TMEM254: variants seen among roughly 807,000 people sequenced by gnomAD.
TMEM254 encodes transmembrane protein C10orf57.
TMEM254 carries 16 observed loss-of-function variants against 13.9 expected under a neutral mutation model. That is an observed-to-expected ratio of 1.15 (90% CI 0.78 to 1.75). The LOEUF is 1.75. TMEM254 is among the 40% of genes most tolerant of loss of function. TMEM254 has a pLI of 0.00. For synonymous variants in TMEM254, 61 were observed against 56.4 expected (o/e 1.08, Z -0.36); for missense variants, 155 against 149.0 (o/e 1.04, Z -0.21).
chr10:80,087,460 T>C (rs1223862187), intron 3 of TMEM254, among the ~76,000 whole-genome samples: 10 of 147,698 alleles, frequency 6.8e-5, no homozygotes, highest in Non-Finnish European at 1.5e-5. Flanking sequence ...CTGGCCAACA[T>C]GGTGAAACCC....
intron 1 of TMEM254, chr10:80,081,627 C>G (rs749589163): frequency 1.0e-4 from 149 of 1,475,086 alleles, no homozygotes; most frequent in Non-Finnish European, 1.0e-4. Flanking sequence ...ATGATCATGC[C>G]ACTGCACTCC....
Position 80,090,809 on chromosome 10 carries a change from C to T in TMEM254, c.264C>T (p.Ile88=). 1 of 1,613,490 alleles carries T rather than the reference C, an allele frequency of 6.2e-7. No individual in the cohort carries two copies. The highest frequency in any genetic ancestry group is 8.5e-7 in the Non-Finnish European group (1 of 1,179,884). ...TTTTCTGTTTTAGGCATAAAGGCAT[C>T]ACAAGTGGTCGGGCTCAGCTACTCT... is the stretch of plus-strand genomic sequence containing the variant. ...YAIVLCKHKG[I]TSGRAQLLWF... Residue 88 remains isoleucine, a synonymous_variant, in exon 4 of 4, where the codon ATC becomes ATT. Transcript: ENST00000372281.
Position 80,090,972 on chromosome 10 carries a change from T to C in TMEM254, c.*55T>C. The C allele has an allele frequency of 1.9e-6, 3 of 1,600,148 alleles. No individual in the cohort carries two copies. Among genetic ancestry groups the C allele is most frequent in the Non-Finnish European group, 2.6e-6 (3 of 1,174,292 alleles). On this transcript the variant is annotated 3_prime_UTR_variant, in exon 4 of 4. Coordinates refer to ENST00000372281, the MANE Select transcript of TMEM254 (RefSeq NM_025125.4). ...ACATTCATCCTCACCCTTTTTTTTG[T>C]GGGGTAGAGGAGGTGCAGTAATTTA...
At chr10:80,080,156 A>G (rs886681218) in intron 1 of TMEM254, among the ~76,000 whole-genome samples, 1 of 152,220 alleles carries the variant, frequency 6.6e-6, no homozygotes, top group African/African-American at 2.4e-5. Context: ...GTTGGAGGAA[A>G]GCTTTGGGGA....
At chr10:80,085,413 A>C (rs1844264813) in intron 3 of TMEM254, among the ~76,000 whole-genome samples, 1 of 151,934 alleles carries the variant, frequency 6.6e-6, no homozygotes, top group South Asian at 2.1e-4. Flanking sequence ...ATATGAAAAA[A>C]AAAATTAGCT....
At chr10:80,084,238 C>T (rs1844200464) in intron 3 of TMEM254, among the ~76,000 whole-genome samples, 1 of 152,222 alleles carries the variant, frequency 6.6e-6, no homozygotes, top group Non-Finnish European at 1.5e-5. Context: ...AGGGATCTCC[C>T]TTCTGCAGTT....
At chr10:80,079,683 G>A in intron 1 of TMEM254, 1 of 985,680 alleles carries the variant, frequency 1.0e-6, no homozygotes, top group Non-Finnish European at 1.2e-6. Flanking sequence ...CGAGAAAGAT[G>A]CGTGGAAAAG....
At chr10:80,083,323 C>T (rs1452583749) in intron 3 of TMEM254, among the ~76,000 whole-genome samples, 2 of 152,062 alleles carry the variant, frequency 1.3e-5, no homozygotes. Context: ...ATGCTAGTCC[C>T]GAACTCCTGA....
rs116162868 is a variant in TMEM254, at chr10:80,086,866, G to T, written c.252-3931G>T. On this transcript the variant is annotated intron_variant, in intron 3 of 3. Transcript: ENST00000372281. The stretch of plus-strand genomic sequence containing the variant: ...AAAAAAAAAAAAAAAATTGAAAGTT[G>T]CTGGGCATGGTGGCTGATGCCTATA... Among the ~76,000 whole-genome samples, 257 of 151,854 alleles carry T rather than the reference G, an allele frequency of 1.7e-3. 4 individuals carry two copies. Among genetic ancestry groups the T allele is most frequent in the African/African-American group, 6.0e-3 (248 of 41,430 alleles).
At chr10:80,086,531 C>A in intron 3 of TMEM254, 1 of 221,924 alleles carries the variant, frequency 4.5e-6, no homozygotes, top group Non-Finnish European at 9.1e-6. Flanking sequence ...TAATGTTGTG[C>A]TAAAAACTCA....
At chr10:80,088,197 C>T (rs1374533563) in intron 3 of TMEM254, among the ~76,000 whole-genome samples, 1 of 151,756 alleles carries the variant, frequency 6.6e-6, no homozygotes, top group Non-Finnish European at 1.5e-5. Flanking sequence ...TATTCTGTTC[C>T]ATTGGCCTGT....
chr10:80,081,817 T>C (rs747577913), intron 1 of TMEM254, 24 bp from the exon 2 acceptor site: 3 of 1,613,972 alleles, frequency 1.9e-6, no homozygotes, highest in South Asian at 2.2e-5. Flanking sequence ...TAATAGGTAT[T>C]CTGTGTCTCT....
intron 3 of TMEM254, among the ~76,000 whole-genome samples, chr10:80,086,978 G>A (rs7917608): frequency 0.55 from 83,014 of 151,368 alleles, 22,916 homozygotes; most frequent in East Asian, 0.73. Flanking sequence ...ATTTTATTTT[G>A]TTTTTTAAGA....
chr10:80,086,457 C>A, intron 3 of TMEM254: 2 of 335,378 alleles, frequency 6.0e-6, no homozygotes, highest in South Asian at 1.7e-4. Flanking sequence ...ATTTACTTTC[C>A]AAAACAAAAT....
rs1441281475 is a variant in TMEM254, at chr10:80,092,219, AT to A, written c.*1305del. 8 of 152,192 alleles carry A rather than the reference AT, an allele frequency of 5.3e-5. No individual in the cohort carries two copies. Among genetic ancestry groups the A allele is most frequent in the Non-Finnish European group, 1.2e-4 (8 of 68,036 alleles). 9.4% of individuals were successfully genotyped at this position (152,192 alleles called of 1,614,324 possible). On this transcript the variant is annotated 3_prime_UTR_variant, in exon 4 of 4. Coordinates refer to ENST00000372281, the MANE Select transcript of TMEM254 (RefSeq NM_025125.4). Reference sequence around the variant, plus strand: ...GGCAAATTATTTGTATTAAGCAAACATTTATGGGAAACAACCCGCTCCCGAA... The same window carrying A: ...GGCAAATTATTTGTATTAAGCAAACATTATGGGAAACAACCCGCTCCCGAA...
intron 1 of TMEM254, chr10:80,079,342 T>C (rs901708770): frequency 1.7e-6 from 2 of 1,187,002 alleles, no homozygotes; most frequent in Non-Finnish European, 1.1e-6. Flanking sequence ...TAGGATAGTT[T>C]CTGCTTTCTA....
At position 80,078,776 on chromosome 10, in the gene TMEM254, GCTA is replaced by G; in HGVS notation, c.82_84del (p.Tyr28del). 1 of 1,605,634 alleles carries G rather than the reference GCTA, an allele frequency of 6.2e-7. No homozygotes were observed. Among genetic ancestry groups the G allele is most frequent in the Non-Finnish European group, 8.5e-7 (1 of 1,176,284 alleles). On this transcript the variant is annotated inframe_deletion, in exon 1 of 4. Transcript: ENST00000372281. Reference sequence around the variant, plus strand: ...TTCACAGTCATCACCCTCAGCTTTGGCTACTACACAGTAAGGACAGCCGCTGGA... The same window carrying G: ...TTCACAGTCATCACCCTCAGCTTTGGCTACACAGTAAGGACAGCCGCTGGA...
At chr10:80,081,578 G>A (rs1369901262) in intron 1 of TMEM254, 4 of 1,038,092 alleles carry the variant, frequency 3.9e-6, no homozygotes, top group East Asian at 5.2e-5. Context: ...TGAGGTGGGA[G>A]GATGGATTGA....
rs1843794374 is a variant in TMEM254, at chr10:80,078,948, G to C, written c.87+162G>C. 2.6e-6 allele frequency: 4 copies of C among 1,531,582 alleles called. No homozygotes were observed. The East Asian group carries it at 7.4e-5, about 28-fold the overall frequency. 94.9% of individuals were successfully genotyped at this position (1,531,582 alleles called of 1,614,324 possible). ...GGGAGGGGACCAGACTCCGCAATGA[G>C]AGCAAGCATACTGGTCCGCCAGGGT... is the stretch of plus-strand genomic sequence containing the variant. On this transcript the variant is annotated intron_variant, in intron 1 of 3. Transcript: ENST00000372281.
Sources: allele counts gnomAD v4.1 joint callset (sites outside exome capture counted in the v4.1 genomes callset), GRCh38; gene constraint gnomAD v4.1.1; transcripts MANE v1.5; gene names NCBI Gene and HGNC (gene_info 2026-07-23, HGNC 2026-07-21).